BCKDHB: variants seen among roughly 807,000 people sequenced by gnomAD.
BCKDHB encodes 2-oxoisovalerate dehydrogenase subunit beta, mitochondrial.
In BCKDHB, 41 loss-of-function variants were observed where a neutral mutation model predicts 48.5. That is an observed-to-expected ratio of 0.85 (90% CI 0.66 to 1.10). The LOEUF is 1.10. Among genes scored for constraint, BCKDHB ranks in the 50% least tolerant of loss-of-function variants. BCKDHB has a pLI of 0.00. For synonymous variants in BCKDHB, 201 were observed against 174.8 expected, an observed-to-expected ratio of 1.15 and a Z score of -1.18; for missense variants, 496 against 494.2, an observed-to-expected ratio of 1.00 and a Z score of -0.03.
chr6:80,422,376 C>CA, the BCKDHB span, among the ~76,000 whole-genome samples: 1 of 152,172 alleles, frequency 6.6e-6, no homozygotes, highest in African/African-American at 2.4e-5. Flanking sequence ...GTGGGGCCCT[C>CA]ATGGAGAACC....
intron 8 of BCKDHB, among the ~76,000 whole-genome samples, chr6:80,248,656 G>A (rs1319411476): frequency 6.6e-6 from 1 of 152,118 alleles, no homozygotes; most frequent in African/African-American, 2.4e-5. Context: ...AGAATGAGTG[G>A]ATGATGGACA....
At chr6:80,278,473 T>C (rs962317242) in intron 9 of BCKDHB, among the ~76,000 whole-genome samples, 2 of 152,200 alleles carry the variant, frequency 1.3e-5, no homozygotes, top group Non-Finnish European at 2.9e-5. Flanking sequence ...TGTTATACTC[T>C]GTTGGTTCTT....
the BCKDHB span, among the ~76,000 whole-genome samples, chr6:80,421,556 A>G: frequency 1.3e-5 from 2 of 152,198 alleles, no homozygotes; most frequent in Admixed American, 1.3e-4. Flanking sequence ...GACTTGTTGA[A>G]TGGTTTTGAT....
At chr6:80,358,811 A>G in the BCKDHB span, among the ~76,000 whole-genome samples, 1 of 152,228 alleles carries the variant, frequency 6.6e-6, no homozygotes, top group Non-Finnish European at 1.5e-5. Flanking sequence ...GCAAAACATT[A>G]CAAGTTTACT....
At chr6:80,137,801 T>C (rs2490242) in intron 3 of BCKDHB, among the ~76,000 whole-genome samples, 5,244 of 152,070 alleles carry the variant, frequency 0.034, 282 homozygotes, top group African/African-American at 0.12. Flanking sequence ...CTGTTGAAGC[T>C]GGCTGGGCAT....
intron 3 of BCKDHB, among the ~76,000 whole-genome samples, chr6:80,143,411 T>C (rs898347567): frequency 1.1e-4 from 16 of 152,164 alleles, no homozygotes; most frequent in Admixed American, 6.6e-5. Flanking sequence ...TAAAGTTCAC[T>C]AGGAAAAGTT....
chr6:80,331,261 T>A (rs139162268), intron 9 of BCKDHB, among the ~76,000 whole-genome samples: 1 of 152,274 alleles, frequency 6.6e-6, no homozygotes, highest in Non-Finnish European at 1.5e-5. Flanking sequence ...TAAAAAGAGT[T>A]TATTTTAGCT....
chr6:80,255,586 GA>G lies in BCKDHB; in HGVS notation c.952-17546del. 1.3e-5 allele frequency among the ~76,000 whole-genome samples: 2 copies of G among 152,244 alleles called. 1 individual carries two copies. The highest frequency in any genetic ancestry group is 4.1e-4 in the South Asian group (2 of 4,832). Reference sequence around the variant, plus strand: ...TCTTACCGAACAGCATGCAGTGGGAGAAACTAATGTGGAGAAAATAATCAGT... The same window carrying G: ...TCTTACCGAACAGCATGCAGTGGGAGAACTAATGTGGAGAAAATAATCAGT... On this transcript the variant is annotated intron_variant, in intron 8 of 9. Transcript: ENST00000320393.
the BCKDHB span, among the ~76,000 whole-genome samples, chr6:80,399,523 A>G: frequency 6.6e-6 from 1 of 151,974 alleles, no homozygotes; most frequent in Non-Finnish European, 1.5e-5. Flanking sequence ...AAACTACCTA[A>G]GAGCACAACT....
intron 9 of BCKDHB, among the ~76,000 whole-genome samples, chr6:80,282,896 TAAA>T (rs1582499528): frequency 6.6e-6 from 1 of 152,138 alleles, no homozygotes; most frequent in African/African-American, 2.4e-5. Flanking sequence ...TGTTTTAAAT[TAAA>T]AAACCCATTT....
chr6:80,316,759 T>C (rs146061493), intron 9 of BCKDHB, among the ~76,000 whole-genome samples: 5 of 152,326 alleles, frequency 3.3e-5, no homozygotes, highest in South Asian at 4.1e-4. Context: ...AGCCTGAACA[T>C]TGGTTTTGTT....
At chr6:80,229,916 G>A (rs1248383934) in intron 8 of BCKDHB, among the ~76,000 whole-genome samples, 1 of 151,056 alleles carries the variant, frequency 6.6e-6, no homozygotes, top group East Asian at 1.9e-4. Context: ...ATCTTAGGAA[G>A]GCTGTTAAAA....
chr6:80,443,572 T>C, the BCKDHB span: 1 of 152,118 alleles, frequency 6.6e-6, no homozygotes, highest in Non-Finnish European at 1.5e-5. Flanking sequence ...TATATTTGGA[T>C]TTTTTTGGTA....
chr6:80,296,074 G>A (rs985833000), intron 9 of BCKDHB, among the ~76,000 whole-genome samples: 2 of 152,160 alleles, frequency 1.3e-5, no homozygotes, highest in Non-Finnish European at 1.5e-5. Context: ...TGTTCTATTA[G>A]TTCAGTTCAT....
chr6:80,356,946 G>GCC, the BCKDHB span: 1 of 60,166 alleles, frequency 1.7e-5, no homozygotes, highest in African/African-American at 6.9e-5. Flanking sequence ...CCCCGCCCCC[G>GCC]CCCCCGCCCC....
chr6:80,382,449 A>G, the BCKDHB span, among the ~76,000 whole-genome samples: 2 of 152,172 alleles, frequency 1.3e-5, no homozygotes, highest in Non-Finnish European at 2.9e-5. Context: ...CATCTAATTT[A>G]TGCATAAATT....
the BCKDHB span, among the ~76,000 whole-genome samples, chr6:80,390,435 A>C: frequency 6.6e-6 from 1 of 152,244 alleles, no homozygotes; most frequent in Non-Finnish European, 1.5e-5. Context: ...CCAGTTGCAG[A>C]AACAGGAACT....
the BCKDHB span, among the ~76,000 whole-genome samples, chr6:80,352,938 A>G: frequency 6.6e-6 from 1 of 152,174 alleles, no homozygotes; most frequent in East Asian, 1.9e-4. Context: ...TATGGGGTAC[A>G]AGTATAATTT....
chr6:80,295,063 T>C (rs1196470906), intron 9 of BCKDHB, among the ~76,000 whole-genome samples: 2 of 152,206 alleles, frequency 1.3e-5, no homozygotes, highest in African/African-American at 4.8e-5. Flanking sequence ...GTCCTACCGA[T>C]ATGTGATGTC....
Sources: allele counts gnomAD v4.1 joint callset (sites outside exome capture counted in the v4.1 genomes callset), GRCh38; gene constraint gnomAD v4.1.1; transcripts MANE v1.5; gene names NCBI Gene and HGNC (gene_info 2026-07-23, HGNC 2026-07-21).